The following CACNA1H variants were observed in gnomAD, a reference collection of about 807,000 sequenced individuals.
The protein encoded by CACNA1H is calcium voltage-gated channel subunit alpha1 H.
Under a neutral mutation model 192.5 loss-of-function variants are expected in CACNA1H, and 149 were observed. The ratio of observed to expected loss-of-function variants is 0.77; its 90% CI spans 0.68 to 0.89. CACNA1H has a LOEUF of 0.89. Among genes scored for constraint, CACNA1H ranks in the 40% least tolerant of loss-of-function variants. The pLI is 0.00. For missense variants in CACNA1H, 4,257 were observed against 3,423.5 expected (o/e 1.24, Z -6.08); for synonymous variants, 2,202 against 1,475.2 (o/e 1.49, Z -11.29).
chr16:1,220,731 G>A lies in CACNA1H; in HGVS notation c.6799G>A (p.Ala2267Thr), dbSNP rs1231529131. ...TGAGCACCTGACCGTCCCCAGCTTT[G>A]CCTTTGAGCCGCTGGACCTCGGGGT... ...RAEHLTVPSF[A>T]FEPLDLGVPS... The change falls in exon 35 of 35, where the codon GCC (alanine) becomes ACC (threonine). Residue 2267 changes from alanine (A) to threonine (T), a missense_variant. Ala to Thr is a moderately conservative substitution (Grantham distance 58, BLOSUM62 0). Coordinates refer to ENST00000348261, the MANE Select transcript of CACNA1H (RefSeq NM_021098.3). 3.7e-6 allele frequency: 6 copies of A among 1,612,238 alleles called. No homozygotes were observed. In the African/African-American group the frequency reaches 5.3e-5, roughly 14 times the overall value.
chr16:1,195,641 C>T, intron 4 of CACNA1H, 76 bp downstream of exon 4: 4 of 1,484,538 alleles, frequency 2.7e-6, no homozygotes, highest in Non-Finnish European at 3.7e-6. Flanking sequence ...TGTGTCCCAC[C>T]TGTAAAGAAA....
In CACNA1H at chr16:1,220,157, A is replaced by G; in HGVS notation, c.6225A>G (p.Gly2075=). The G allele has an allele frequency of 2.0e-6, 3 of 1,524,160 alleles. No homozygotes were observed. The highest frequency in any genetic ancestry group is 2.6e-6 in the Non-Finnish European group (3 of 1,137,626). 94.4% of individuals were successfully genotyped at this position (1,524,160 alleles called of 1,614,324 possible). A position where few individuals can be genotyped will look rare whatever the true frequency, so the allele number is the denominator to read the frequency against. ...TCCGCACTCGTAAGCATACCTTCGG[A>G]CAGCGCTGCGTCTCCAGCCGGCCGG... The part of the protein sequence containing the change: ...ASVRTRKHTF[G]QRCVSSRPAA... Residue 2075 remains glycine, a synonymous_variant, in exon 35 of 35, where the codon GGA becomes GGG. Coordinates refer to ENST00000348261, the MANE Select transcript of CACNA1H (RefSeq NM_021098.3).
rs772111884 is a variant in CACNA1H, at chr16:1,202,232, C to A, written c.1782C>A (p.Ala594=). The change falls in exon 9 of 35, where the codon GCC becomes GCA. Residue 594 remains alanine (A), a synonymous_variant. Coordinates refer to ENST00000348261, the MANE Select transcript of CACNA1H (RefSeq NM_021098.3). ...GPQERARVAH[A]AATAAASLRL... ...AGGAGAGGGCCCGGGTGGCACATGC[C>A]GCAGCCACTGCCGCTGCCAGCCTCA... The A allele has an allele frequency of 6.4e-7, 1 of 1,557,460 alleles. No homozygotes were observed. The highest frequency in any genetic ancestry group is 8.7e-7 in the Non-Finnish European group (1 of 1,152,294).
At chr16:1,162,429 A>G (rs1264805859) in intron 2 of CACNA1H, among the ~76,000 whole-genome samples, 2 of 152,178 alleles carry the variant, frequency 1.3e-5, no homozygotes, top group Non-Finnish European at 2.9e-5. Flanking sequence ...ACGCAGTAAC[A>G]GGAGTCAGCC....
Position 1,219,076 on chromosome 16 carries a change from GT to G in CACNA1H, c.5995del (p.Ser1999ProfsTer48), listed in dbSNP as rs1418662674. On this transcript the variant is annotated frameshift_variant, in exon 34 of 35. Transcript: ENST00000348261. LOFTEE classifies it high-confidence loss of function. ...ARSGEPLHAL[S>X]PRGTARSPSL... Reference sequence around the variant, plus strand: ...GGAGCGGCGAGCCCCTCCACGCCCTGTCCCCTCGGGGCACAGCCCGCTCCCC... The same window carrying G: ...GGAGCGGCGAGCCCCTCCACGCCCTGCCCCTCGGGGCACAGCCCGCTCCCC... The G allele has an allele frequency of 1.9e-6, 3 of 1,549,582 alleles. No homozygotes were observed. Among genetic ancestry groups the G allele is most frequent in the Non-Finnish European group, 2.6e-6 (3 of 1,146,720 alleles).
chr16:1,184,194 G>C (rs1436478254), intron 2 of CACNA1H, among the ~76,000 whole-genome samples: 2 of 152,264 alleles, frequency 1.3e-5, no homozygotes, highest in Non-Finnish European at 2.9e-5. Flanking sequence ...GGCCCAGCCT[G>C]CCGCATGCAT....
intron 30 of CACNA1H, 119 bp from the exon 31 acceptor site, chr16:1,216,813 A>C (rs897986094): frequency 1.2e-6 from 1 of 835,380 alleles, no homozygotes; most frequent in Non-Finnish European, 2.0e-6. Flanking sequence ...CCGGGCCCGG[A>C]GCACCTGGAA....
In CACNA1H at chr16:1,169,212, AACGTGG is replaced by A. The variant is rs376587780; in HGVS notation, c.299+15192_299+15197del. On this transcript the variant is annotated intron_variant, in intron 2 of 34. Transcript: ENST00000348261. ...GGGCTTGCTGGGGGTCTTAGCCTGG[AACGTGG>A]ACGTGGACGTGGACGGGCTTCCTTT... 2.8e-3 allele frequency among the ~76,000 whole-genome samples: 425 copies of A among 150,282 alleles called. 6 individuals are homozygous for A. Among genetic ancestry groups the A allele is most frequent in the African/African-American group, 8.9e-3 (356 of 39,854 alleles).
chr16:1,213,018 C>G (rs544646399), intron 26 of CACNA1H, among the ~76,000 whole-genome samples: 1 of 152,350 alleles, frequency 6.6e-6, no homozygotes, highest in Admixed American at 6.5e-5. Flanking sequence ...GTGGTGGCAG[C>G]TCACGCCTTC....
rs775279003 is a variant in CACNA1H at position 1,220,534 on chromosome 16, A to G, written c.6602A>G (p.Glu2201Gly). 2 of 1,534,590 alleles carry G rather than the reference A, an allele frequency of 1.3e-6. No individual in the cohort carries two copies. Among genetic ancestry groups the G allele is most frequent in the East Asian group, 2.3e-5 (1 of 44,362 alleles). The change falls in exon 35 of 35, where the codon GAG (glutamate) becomes GGG (glycine). Residue 2201 changes from glutamate (E) to glycine (G), a missense_variant. Physicochemically the swap from Glu to Gly is moderately conservative, Grantham distance 98. Coordinates refer to ENST00000348261, the MANE Select transcript of CACNA1H (RefSeq NM_021098.3). ...CISVEPPAED[E>G]GSARPSAAEG... ...TCGGTGGAACCCCCTGCGGAGGACG[A>G]GGGCTCTGCGCGGCCCTCCGCGGCA...
At chr16:1,183,341 G>C (rs1287916109) in intron 2 of CACNA1H, among the ~76,000 whole-genome samples, 3 of 152,196 alleles carry the variant, frequency 2.0e-5, no homozygotes, top group Non-Finnish European at 4.4e-5. Context: ...CCCTGCGGTG[G>C]CTTCTCCCGA....
chr16:1,154,240 C>T (rs1961986226), intron 2 of CACNA1H, among the ~76,000 whole-genome samples: 1 of 151,898 alleles, frequency 6.6e-6, no homozygotes, highest in African/African-American at 2.4e-5. Context: ...CCACCGGGCG[C>T]CTCCGGACTC....
chr16:1,178,583 G>T (rs1335135008), intron 2 of CACNA1H, among the ~76,000 whole-genome samples: 3 of 152,176 alleles, frequency 2.0e-5, no homozygotes, highest in Admixed American at 6.5e-5. Flanking sequence ...CCACAGCATG[G>T]TCTCGGACTC....
chr16:1,219,959 CTT>C lies in CACNA1H; in HGVS notation c.6049-20_6049-19del. 1 of 1,281,378 alleles carries C rather than the reference CTT, an allele frequency of 7.8e-7. No homozygotes were observed. Among genetic ancestry groups the C allele is most frequent in the South Asian group, 3.4e-5 (1 of 29,776 alleles). 79.4% of individuals were successfully genotyped at this position (1,281,378 alleles called of 1,614,324 possible). A position where few individuals can be genotyped will look rare whatever the true frequency, so the allele number is the denominator to read the frequency against. On this transcript the variant is annotated intron_variant, in intron 34 of 34. Transcript: ENST00000348261. ...GGCTCTCCCAGGGCCCCGCCCCTCA[CTT>C]TGACTCTACGCCCCCACAGGAGGCT...
chr16:1,221,596 G>C lies in CACNA1H; in HGVS notation c.*602G>C. ...GGAGTAACGCGCCCGGCCCCGATGCGAATCAGGCCTCCCCTACATCTGGGG... is the reference window on the plus strand; with the variant it reads ...GGAGTAACGCGCCCGGCCCCGATGCCAATCAGGCCTCCCCTACATCTGGGG... On this transcript the variant is annotated 3_prime_UTR_variant, in exon 35 of 35. Transcript: ENST00000348261. The C allele has an allele frequency of 1.6e-6, 1 of 632,852 alleles. No homozygotes were observed. Among genetic ancestry groups the C allele is most frequent in the Non-Finnish European group, 2.6e-6 (1 of 378,024 alleles). The allele number at this position is 632,852 out of a possible 1,614,324, so 39.2% of individuals were successfully genotyped here. A position where few individuals can be genotyped will look rare whatever the true frequency, so the allele number is the denominator to read the frequency against.
chr16:1,209,948 G>C (rs1362845421), intron 17 of CACNA1H, 87 bp from the exon 18 acceptor site: 5 of 948,902 alleles, frequency 5.3e-6, no homozygotes, highest in Non-Finnish European at 8.0e-6. Flanking sequence ...GGTGCTGGGA[G>C]GGGTGGCCGA....
chr16:1,196,368 C>T (rs1186627249), intron 5 of CACNA1H, among the ~76,000 whole-genome samples: 1 of 152,262 alleles, frequency 6.6e-6, no homozygotes, highest in African/African-American at 2.4e-5. Flanking sequence ...GCTTTGCTGT[C>T]TGGCGCATCC....
chr16:1,200,349 G>A lies in CACNA1H; in HGVS notation c.897G>A (p.Met299Ile), dbSNP rs1264555085. Residue 299 changes from methionine (M) to isoleucine (I), a missense_variant, in exon 7 of 35, where the codon ATG becomes ATA. Coordinates refer to ENST00000348261, the MANE Select transcript of CACNA1H (RefSeq NM_021098.3). Reference protein sequence around the residue: ...FICSSRRDNGMQKCSHIPGRR... With the variant: ...FICSSRRDNGIQKCSHIPGRR... ...GCTCCTCACGCCGAGACAACGGCAT[G>A]CAGAAGTGCTCGCACATCCCCGGCC... The A allele has an allele frequency of 6.9e-6, 11 of 1,602,128 alleles. No homozygotes were observed. The highest frequency in any genetic ancestry group is 2.3e-5 in the East Asian group (1 of 44,312).
At position 1,207,766 on chromosome 16, in the gene CACNA1H, T is replaced by A; in HGVS notation, c.3064-4T>A. On this transcript the variant is annotated splice_region_variant and splice_polypyrimidine_tract_variant and intron_variant, in intron 14 of 34. Transcript: ENST00000348261. ...ATGCCTGCCTTGTGCTTTGTTGGGTTTAGGGCGATGCCAACAGATCCGACA... is the reference window on the plus strand; with the variant it reads ...ATGCCTGCCTTGTGCTTTGTTGGGTATAGGGCGATGCCAACAGATCCGACA... 1 of 1,591,392 alleles carries A rather than the reference T, an allele frequency of 6.3e-7. No individual in the cohort carries two copies. Among genetic ancestry groups the A allele is most frequent in the Non-Finnish European group, 8.6e-7 (1 of 1,169,546 alleles).
Sources: allele counts gnomAD v4.1 joint callset (sites outside exome capture counted in the v4.1 genomes callset), GRCh38; gene constraint gnomAD v4.1.1; transcripts MANE v1.5; gene names NCBI Gene and HGNC (gene_info 2026-07-23, HGNC 2026-07-21).